DLGAP2: variants seen among roughly 807,000 people sequenced by gnomAD.
DLGAP2 encodes DLG associated protein 2.
DLGAP2 carries 26 observed loss-of-function variants against 100.3 expected under a neutral mutation model. That is an observed-to-expected ratio of 0.26 (90% CI 0.19 to 0.36). DLGAP2 has a LOEUF of 0.36. DLGAP2 is among the 10% of genes least tolerant of loss of function. DLGAP2 has a pLI of 1.00. For missense variants in DLGAP2, 1,858 were observed against 1,453.2 expected, an observed-to-expected ratio of 1.28 and a Z score of -4.53; for synonymous variants, 886 against 630.1, an observed-to-expected ratio of 1.41 and a Z score of -6.08.
chr8:1,340,670 G>A (rs535755308), intron 3 of DLGAP2, among the ~76,000 whole-genome samples: 2 of 152,320 alleles, frequency 1.3e-5, no homozygotes, highest in South Asian at 2.1e-4. Flanking sequence ...AGACAGTGTG[G>A]TGGTTCCTTG....
chr8:850,571 C>T (rs1384215760), intron 1 of DLGAP2, among the ~76,000 whole-genome samples: 1 of 152,108 alleles, frequency 6.6e-6, no homozygotes, highest in East Asian at 1.9e-4. Context: ...ATTTGTGTGT[C>T]TGTGTGTATG....
chr8:1,046,221 C>G (rs1051671501), intron 2 of DLGAP2, among the ~76,000 whole-genome samples: 3 of 152,128 alleles, frequency 2.0e-5, no homozygotes, highest in African/African-American at 7.2e-5. Flanking sequence ...CATTTTTGTT[C>G]TGCCTTGAAT....
chr8:1,094,023 C>T (rs1198673641), intron 2 of DLGAP2, among the ~76,000 whole-genome samples: 3 of 149,928 alleles, frequency 2.0e-5, no homozygotes, highest in African/African-American at 4.9e-5. Flanking sequence ...AGGGCAGCTT[C>T]GCGGTGGGTG....
intron 3 of DLGAP2, among the ~76,000 whole-genome samples, chr8:1,418,114 A>C (rs1796982410): frequency 6.6e-6 from 1 of 152,168 alleles, no homozygotes; most frequent in Non-Finnish European, 1.5e-5. Context: ...CACCAAATAA[A>C]AGATCTCCAG....
intron 3 of DLGAP2, among the ~76,000 whole-genome samples, chr8:1,362,415 C>T (rs113921614): frequency 0.016 from 2,435 of 151,876 alleles, 24 homozygotes; most frequent in South Asian, 0.036. Flanking sequence ...GCAGTCCCGC[C>T]GTCACAGCGC....
intron 3 of DLGAP2, among the ~76,000 whole-genome samples, chr8:1,465,349 A>T (rs928825253): frequency 6.6e-6 from 1 of 151,050 alleles, no homozygotes; most frequent in Admixed American, 6.6e-5. Flanking sequence ...AGAGATGAGC[A>T]GAGGGAAGGG....
At chr8:937,964 C>G (rs1420410514) in intron 2 of DLGAP2, among the ~76,000 whole-genome samples, 1 of 152,120 alleles carries the variant, frequency 6.6e-6, no homozygotes, top group Non-Finnish European at 1.5e-5. Context: ...CAAGGTGGAG[C>G]TGAGGGTAGT....
chr8:806,264 G>A (rs1003327064), intron 1 of DLGAP2, among the ~76,000 whole-genome samples: 1 of 152,192 alleles, frequency 6.6e-6, no homozygotes, highest in Non-Finnish European at 1.5e-5. Flanking sequence ...CAGGATCTGA[G>A]GCCTCACAGT....
In DLGAP2 at chr8:1,345,558, C is replaced by T. The variant is rs565082464; in HGVS notation, c.106+86675C>T. 2.0e-3 allele frequency among the ~76,000 whole-genome samples: 306 copies of T among 152,306 alleles called. 2 individuals carry two copies. Among genetic ancestry groups the T allele is most frequent in the South Asian group, 0.015 (74 of 4,824 alleles). ...TAATCTGATAAGCCATCTTTATTGT[C>T]TTAAGAAAACACATTGTGTGGATGT... is the stretch of plus-strand genomic sequence containing the variant. On this transcript the variant is annotated intron_variant, in intron 3 of 14. Transcript: ENST00000637795.
At chr8:1,082,596 G>T (rs1006220470) in intron 2 of DLGAP2, among the ~76,000 whole-genome samples, 5 of 152,224 alleles carry the variant, frequency 3.3e-5, no homozygotes, top group Non-Finnish European at 7.3e-5. Context: ...CATGGTGGTG[G>T]CTCCACGCTG....
chr8:1,068,742 T>TGCACAG (rs2129036803), intron 2 of DLGAP2, among the ~76,000 whole-genome samples: 4 of 148,746 alleles, frequency 2.7e-5, no homozygotes, highest in African/African-American at 1.0e-4. Flanking sequence ...CGCATGTGGG[T>TGCACAG]CCGGGATATG....
At chr8:1,695,223 G>C (rs1799353518) in intron 13 of DLGAP2, among the ~76,000 whole-genome samples, 1 of 151,768 alleles carries the variant, frequency 6.6e-6, no homozygotes. Flanking sequence ...ACAGAAAGAG[G>C]GGCACAGCCA....
chr8:947,877 G>A (rs745928140), intron 2 of DLGAP2, among the ~76,000 whole-genome samples: 95 of 139,740 alleles, frequency 6.8e-4, no homozygotes, highest in Non-Finnish European at 1.4e-3. Context: ...CCCCAACCCT[G>A]TGCCAGCCCG....
At chr8:910,437 T>C (rs1798462167) in intron 2 of DLGAP2, 1 of 152,226 alleles carries the variant, frequency 6.6e-6, no homozygotes, top group Non-Finnish European at 1.5e-5. Context: ...TCCCATACGG[T>C]CTTGTTCAGC....
intron 1 of DLGAP2, among the ~76,000 whole-genome samples, chr8:826,454 T>C (rs1244553715): frequency 6.6e-6 from 1 of 152,236 alleles, no homozygotes; most frequent in African/African-American, 2.4e-5. Flanking sequence ...TTTTCAGGTT[T>C]TTTGAAGGTC....
chr8:1,051,207 A>C (rs1802699957), intron 2 of DLGAP2, among the ~76,000 whole-genome samples: 1 of 152,044 alleles, frequency 6.6e-6, no homozygotes, highest in Admixed American at 6.6e-5. Flanking sequence ...GCACAACTGC[A>C]TGAGTTGACT....
intron 3 of DLGAP2, among the ~76,000 whole-genome samples, chr8:1,279,523 T>C (rs1799773720): frequency 1.3e-5 from 2 of 152,178 alleles, no homozygotes. Context: ...ATGTATTAGA[T>C]TTCTATGGCT....
intron 3 of DLGAP2, among the ~76,000 whole-genome samples, chr8:1,308,523 TTTTTG>T (rs769683535): frequency 1.3e-5 from 2 of 152,138 alleles, no homozygotes; most frequent in African/African-American, 2.4e-5. Flanking sequence ...AAGAAATCTT[TTTTTG>T]TTTTGTTTTG....
In DLGAP2 at chr8:1,475,598, C is replaced by A. The variant is rs113885467; in HGVS notation, c.107-25768C>A. 9.5e-3 allele frequency among the ~76,000 whole-genome samples: 1,443 copies of A among 152,268 alleles called. 25 individuals are homozygous for A. The highest frequency in any genetic ancestry group is 0.032 in the African/African-American group (1,336 of 41,538). On this transcript the variant is annotated intron_variant, in intron 3 of 14. Transcript: ENST00000637795. ...ACTGGGTCAGGTCACCACCCTAAAG[C>A]CCTACAAAGTCGTTGACCCCCATAA...
Sources: gnomAD v4.1 joint callset for allele counts (sites outside exome capture counted in the v4.1 genomes callset) on GRCh38, gnomAD v4.1.1 for gene constraint, MANE v1.5 for transcripts, NCBI Gene and HGNC (gene_info 2026-07-23, HGNC 2026-07-21) for gene names.